LDLRAD3: variants seen among roughly 807,000 people sequenced by gnomAD.
LDLRAD3 encodes low density lipoprotein receptor class A domain containing 3, also known as low-density lipoprotein receptor class A domain-containing protein 3.
Under a neutral mutation model 29.4 loss-of-function variants are expected in LDLRAD3, and 20 were observed. That is an observed-to-expected ratio of 0.68 (90% CI 0.48 to 0.99). The LOEUF (loss-of-function observed/expected upper bound fraction) is 0.99, where lower values mean the gene tolerates loss of function less well. LDLRAD3 is among the 50% of genes least tolerant of loss of function. The pLI is 0.00. For missense variants in LDLRAD3, 420 were observed against 454.3 expected (o/e 0.92, Z 0.69); for synonymous variants, 157 against 192.7 (o/e 0.81, Z 1.53).
intron 4 of LDLRAD3, among the ~76,000 whole-genome samples, chr11:36,211,301 T>C (rs1291782885): frequency 6.6e-6 from 1 of 152,144 alleles, no homozygotes; most frequent in African/African-American, 2.4e-5. Flanking sequence ...AACAGGCAGG[T>C]TGTAGAAGAG....
chr11:36,140,687 C>G (rs891544400), intron 4 of LDLRAD3, among the ~76,000 whole-genome samples: 24 of 152,048 alleles, frequency 1.6e-4, no homozygotes, highest in African/African-American at 5.1e-4. Context: ...TCCCTAAGTG[C>G]TGGGATTACA....
At chr11:36,155,769 C>G (rs568818920) in intron 4 of LDLRAD3, among the ~76,000 whole-genome samples, 1 of 152,296 alleles carries the variant, frequency 6.6e-6, no homozygotes. Flanking sequence ...CCGCCTGGCT[C>G]ATAGTAGGTG....
At chr11:36,165,861 G>A (rs954093784) in intron 4 of LDLRAD3, among the ~76,000 whole-genome samples, 8 of 150,866 alleles carry the variant, frequency 5.3e-5, no homozygotes, top group Non-Finnish European at 1.2e-4. Flanking sequence ...AAAAATAAGT[G>A]ATCTCATTTT....
intron 4 of LDLRAD3, among the ~76,000 whole-genome samples, chr11:36,113,324 A>G (rs1174357117): frequency 6.6e-6 from 1 of 152,182 alleles, no homozygotes; most frequent in African/African-American, 2.4e-5. Flanking sequence ...AGAGATGAGC[A>G]GTTTAGGCCA....
chr11:36,105,635 G>T (rs1853518346), intron 4 of LDLRAD3, among the ~76,000 whole-genome samples: 1 of 152,128 alleles, frequency 6.6e-6, no homozygotes, highest in African/African-American at 2.4e-5. Context: ...ATGTGAAGGT[G>T]AAGGCAGAAA....
intron 4 of LDLRAD3, among the ~76,000 whole-genome samples, chr11:36,107,654 A>C (rs979501011): frequency 6.6e-6 from 1 of 152,170 alleles, no homozygotes; most frequent in Non-Finnish European, 1.5e-5. Context: ...ACAGTTGCCT[A>C]CAGTGTTCAG....
At chr11:36,157,850 C>A (rs1854376929) in intron 4 of LDLRAD3, among the ~76,000 whole-genome samples, 1 of 152,198 alleles carries the variant, frequency 6.6e-6, no homozygotes, top group Admixed American at 6.5e-5. Flanking sequence ...TATAAGGAAT[C>A]TAGATCTGTC....
At chr11:36,200,157 C>T (rs537408958) in intron 4 of LDLRAD3, among the ~76,000 whole-genome samples, 45 of 152,120 alleles carry the variant, frequency 3.0e-4, no homozygotes, top group African/African-American at 1.0e-3. Context: ...CACAGCAAGA[C>T]TCCATCTAAA....
At chr11:36,024,840 C>G (rs762730759) in intron 1 of LDLRAD3, among the ~76,000 whole-genome samples, 1 of 152,212 alleles carries the variant, frequency 6.6e-6, no homozygotes, top group Non-Finnish European at 1.5e-5. Context: ...GTGGACTATT[C>G]TAAGGAAGAC....
At chr11:36,190,844 CA>C (rs1239954565) in intron 4 of LDLRAD3, among the ~76,000 whole-genome samples, 1 of 152,110 alleles carries the variant, frequency 6.6e-6, no homozygotes, top group African/African-American at 2.4e-5. Flanking sequence ...AAAATAAATA[CA>C]TAAATGAAAG....
chr11:36,035,083 A>G (rs1217530169), intron 1 of LDLRAD3, among the ~76,000 whole-genome samples: 1 of 152,152 alleles, frequency 6.6e-6, no homozygotes, highest in East Asian at 1.9e-4. Context: ...TCTTTAGAAC[A>G]TAGCACAAGT....
chr11:36,095,046 C>T lies in LDLRAD3; in HGVS notation c.320-3281C>T, dbSNP rs553276618. 1.7e-4 allele frequency among the ~76,000 whole-genome samples: 26 copies of T among 151,424 alleles called. No individual in the cohort carries two copies. The East Asian group carries it at 1.9e-3, about 11-fold the overall frequency. On this transcript the variant is annotated intron_variant, in intron 3 of 5. Transcript: ENST00000315571. ...ACAAAACATTAAATAATTAGCTAGG[C>T]GTGGTGGTATATGCCTGTAGTCCTG...
At chr11:36,026,431 A>G (rs1044375772) in intron 1 of LDLRAD3, among the ~76,000 whole-genome samples, 2 of 151,354 alleles carry the variant, frequency 1.3e-5, no homozygotes, top group Non-Finnish European at 3.0e-5. Context: ...ATCTATTAGG[A>G]TTGGCTGGGT....
chr11:36,195,379 C>T (rs542295976), intron 4 of LDLRAD3, among the ~76,000 whole-genome samples: 1 of 152,282 alleles, frequency 6.6e-6, no homozygotes, highest in East Asian at 1.9e-4. Flanking sequence ...CTGTGAACAC[C>T]ACCATTCTAG....
intron 1 of LDLRAD3, among the ~76,000 whole-genome samples, chr11:35,974,704 T>G (rs1488548023): frequency 1.3e-5 from 2 of 152,180 alleles, no homozygotes. Flanking sequence ...AGTCTCTTGT[T>G]TCATCAAATC....
intron 4 of LDLRAD3, among the ~76,000 whole-genome samples, chr11:36,148,381 G>A (rs781781644): frequency 9.2e-5 from 14 of 152,082 alleles, no homozygotes; most frequent in Non-Finnish European, 2.1e-4. Flanking sequence ...CACTCAGGGT[G>A]TATTTTCTGG....
intron 4 of LDLRAD3, among the ~76,000 whole-genome samples, chr11:36,225,929 A>G (rs10836522): frequency 0.19 from 28,253 of 152,002 alleles, 2,961 homozygotes; most frequent in Admixed American, 0.28. Context: ...GTAGCTGAGC[A>G]TGGTGGCACA....
At chr11:36,006,347 G>T (rs1315899529) in intron 1 of LDLRAD3, among the ~76,000 whole-genome samples, 1 of 152,186 alleles carries the variant, frequency 6.6e-6, no homozygotes, top group Non-Finnish European at 1.5e-5. Context: ...ACTTTTCCCA[G>T]CCTTGGTTTC....
intron 4 of LDLRAD3, among the ~76,000 whole-genome samples, chr11:36,224,169 T>C (rs1407598941): frequency 6.6e-6 from 1 of 151,526 alleles, no homozygotes; most frequent in African/African-American, 2.4e-5. Flanking sequence ...AGGCAAACCC[T>C]TGCCAGGCAC....
Sources: allele counts gnomAD v4.1 joint callset (sites outside exome capture counted in the v4.1 genomes callset), GRCh38; gene constraint gnomAD v4.1.1; transcripts MANE v1.5; gene names NCBI Gene and HGNC (gene_info 2026-07-23, HGNC 2026-07-21).